The following MOXD1 variants were observed in gnomAD, a reference collection of about 807,000 sequenced individuals.
MOXD1 encodes the protein monooxygenase DBH like 1.
Under a neutral mutation model 66.6 loss-of-function variants are expected in MOXD1, and 62 were observed. The observed-to-expected ratio is 0.93, with a 90% CI of 0.76 to 1.15. The LOEUF is 1.15. Among genes scored for constraint, MOXD1 ranks in the 50% most tolerant of loss-of-function variants. The pLI, the probability that MOXD1 is intolerant of heterozygous loss-of-function variation, is 0.00. For missense variants in MOXD1, 847 were observed against 754.6 expected (o/e 1.12, Z -1.44); for synonymous variants, 303 against 281.9 (o/e 1.07, Z -0.75).
intron 4 of MOXD1, among the ~76,000 whole-genome samples, chr6:132,359,771 C>T (rs1034070079): frequency 6.6e-6 from 1 of 152,148 alleles, no homozygotes; most frequent in East Asian, 1.9e-4. Context: ...CAGGCGTGAG[C>T]CACCGCGCCC....
rs1554237945 is a variant in MOXD1 at position 132,385,501 on chromosome 6, A to ATTT, written c.265-10725_265-10724insAAA. The stretch of plus-strand genomic sequence containing the variant: ...TATTATTATTATTATTATTATTATT[A>ATTT]GAGACACAGTTTCACTCCATTACCC... On this transcript the variant is annotated intron_variant, in intron 1 of 11. Coordinates refer to ENST00000367963, the MANE Select transcript of MOXD1 (RefSeq NM_015529.4). Among the ~76,000 whole-genome samples the ATTT allele has an allele frequency of 9.9e-3, 1,245 of 125,342 alleles. 18 individuals are homozygous for ATTT. Among genetic ancestry groups the ATTT allele is most frequent in the African/African-American group, 0.034 (1,148 of 33,938 alleles). The allele number at this position is 125,342 out of a possible 152,430, so 82.2% of individuals were successfully genotyped here. A position where few individuals can be genotyped will look rare whatever the true frequency, so the allele number is the denominator to read the frequency against.
intron 10 of MOXD1, among the ~76,000 whole-genome samples, chr6:132,305,358 C>A (rs1296303444): frequency 5.9e-5 from 9 of 152,234 alleles, no homozygotes; most frequent in Admixed American, 5.2e-4. Flanking sequence ...GGGACAGAAG[C>A]TGGATCTCCC....
At chr6:132,349,189 C>T (rs1160852731) in intron 4 of MOXD1, among the ~76,000 whole-genome samples, 1 of 148,778 alleles carries the variant, frequency 6.7e-6, no homozygotes, top group Non-Finnish European at 1.5e-5. Flanking sequence ...GCCTTTGCGT[C>T]CTCATAGCTT....
intron 4 of MOXD1, among the ~76,000 whole-genome samples, chr6:132,340,688 C>T (rs1295442657): frequency 2.9e-5 from 4 of 136,834 alleles, no homozygotes; most frequent in Non-Finnish European, 1.5e-5. Context: ...GCTCTGTCAC[C>T]CAGGCTGGAG....
intron 4 of MOXD1, among the ~76,000 whole-genome samples, chr6:132,355,444 C>T (rs958948559): frequency 5.9e-5 from 9 of 152,186 alleles, no homozygotes; most frequent in African/African-American, 9.7e-5. Flanking sequence ...CACCATTCTC[C>T]GGTATGTAGG....
intron 4 of MOXD1, among the ~76,000 whole-genome samples, chr6:132,334,874 A>G (rs1775403901): frequency 6.6e-6 from 1 of 151,048 alleles, no homozygotes; most frequent in Non-Finnish European, 1.5e-5. Flanking sequence ...CGATTCAAAG[A>G]ATCTACACTT....
At chr6:132,303,148 G>A (rs1167771653) in intron 10 of MOXD1, among the ~76,000 whole-genome samples, 1 of 151,974 alleles carries the variant, frequency 6.6e-6, no homozygotes, top group Non-Finnish European at 1.5e-5. Flanking sequence ...AGCAGGATAT[G>A]AAAAGCACAA....
At chr6:132,333,379 A>ACATTAAAGG (rs1242516780) in intron 4 of MOXD1, among the ~76,000 whole-genome samples, 2 of 102,344 alleles carry the variant, frequency 2.0e-5, no homozygotes, top group African/African-American at 1.3e-4. Context: ...AATGTATCAG[A>ACATTAAAGG]GTAGCATTTA....
At chr6:132,299,493 A>G (rs936278608) in intron 10 of MOXD1, among the ~76,000 whole-genome samples, 1 of 151,612 alleles carries the variant, frequency 6.6e-6, no homozygotes, top group East Asian at 1.9e-4. Flanking sequence ...CTCTGCCTTC[A>G]CCTGCCACTC....
intron 9 of MOXD1, among the ~76,000 whole-genome samples, chr6:132,317,577 T>C (rs957167041): frequency 3.3e-5 from 5 of 152,160 alleles, no homozygotes; most frequent in African/African-American, 9.7e-5. Context: ...CTGTGAGCTA[T>C]CATATTATCA....
intron 4 of MOXD1, among the ~76,000 whole-genome samples, chr6:132,334,931 G>A (rs1171359219): frequency 6.6e-6 from 1 of 152,194 alleles, no homozygotes; most frequent in Non-Finnish European, 1.5e-5. Context: ...AGTGGGATGA[G>A]ACATAGAGAA....
chr6:132,365,801 G>A (rs1176117067), intron 4 of MOXD1, among the ~76,000 whole-genome samples: 1 of 152,050 alleles, frequency 6.6e-6, no homozygotes, highest in Non-Finnish European at 1.5e-5. Context: ...TCTTTCAAAT[G>A]CACTAATTTG....
intron 2 of MOXD1, 112 bp from the exon 3 acceptor site, chr6:132,373,109 T>G (rs1194037408): frequency 1.9e-6 from 2 of 1,066,396 alleles, no homozygotes; most frequent in African/African-American, 1.6e-5. Context: ...GAAAAGACAA[T>G]AATGACATTT....
intron 4 of MOXD1, among the ~76,000 whole-genome samples, chr6:132,351,320 T>C (rs1775798462): frequency 6.6e-6 from 1 of 152,160 alleles, no homozygotes; most frequent in Non-Finnish European, 1.5e-5. Context: ...GTTCCTTGTA[T>C]GCCGACTTTG....
chr6:132,385,911 G>A (rs1456765635), intron 1 of MOXD1, among the ~76,000 whole-genome samples: 6 of 151,720 alleles, frequency 4.0e-5, no homozygotes, highest in Non-Finnish European at 8.8e-5. Context: ...AGACCATCCT[G>A]GCTAACACGG....
At chr6:132,387,103 A>T (rs778449351) in intron 1 of MOXD1, among the ~76,000 whole-genome samples, 10 of 151,504 alleles carry the variant, frequency 6.6e-5, no homozygotes, top group Non-Finnish European at 1.3e-4. Context: ...CCATATGTCC[A>T]TTAAAAGCTA....
intron 1 of MOXD1, among the ~76,000 whole-genome samples, chr6:132,381,457 C>T (rs1370275922): frequency 6.8e-6 from 1 of 146,306 alleles, no homozygotes; most frequent in Admixed American, 6.8e-5. Flanking sequence ...GAGAAAAAGG[C>T]AAAAAAAAAT....
At chr6:132,374,391 G>A (rs943143044) in intron 2 of MOXD1, among the ~76,000 whole-genome samples, 1 of 151,436 alleles carries the variant, frequency 6.6e-6, no homozygotes, top group African/African-American at 2.4e-5. Context: ...ATTTTAAAGG[G>A]ATCTTCAAAA....
intron 10 of MOXD1, among the ~76,000 whole-genome samples, chr6:132,303,742 T>C (rs1477227645): frequency 1.3e-4 from 10 of 75,390 alleles, no homozygotes; most frequent in African/African-American, 4.5e-4. Context: ...CACATTTATT[T>C]ATACACATGT....
Sources: allele counts gnomAD v4.1 joint callset (sites outside exome capture counted in the v4.1 genomes callset), GRCh38; gene constraint gnomAD v4.1.1; transcripts MANE v1.5; gene names NCBI Gene and HGNC (gene_info 2026-07-23, HGNC 2026-07-21).